TMEM132D: variants seen among roughly 807,000 people sequenced by gnomAD.
TMEM132D encodes the protein transmembrane protein 132D.
Under a neutral mutation model 62.3 loss-of-function variants are expected in TMEM132D, and 21 were observed. The ratio of observed to expected loss-of-function variants is 0.34; its 90% CI spans 0.24 to 0.49. TMEM132D has a LOEUF of 0.49. TMEM132D is among the 20% of genes least tolerant of loss of function. TMEM132D has a pLI of 0.99. For synonymous variants in TMEM132D, 621 were observed against 575.6 expected (o/e 1.08, Z -1.13); for missense variants, 1,346 against 1,402.8 (o/e 0.96, Z 0.65).
In TMEM132D at chr12:129,220,914, C is replaced by T. The variant is rs758478008; in HGVS notation, c.1300-11251G>A. Among the ~76,000 whole-genome samples the T allele has an allele frequency of 8.0e-5, 12 of 149,590 alleles. No individual in the cohort carries two copies. In the South Asian group the frequency reaches 2.3e-3, roughly 29 times the overall value. On this transcript the variant is annotated intron_variant, in intron 4 of 8. Transcript: ENST00000422113. ...ATGAAAAAAAAAAAAAGCCCAACAA[C>T]CACCCCTGGGATGGCATAGCCACTG...
rs74966598 is a variant in TMEM132D at position 129,326,040 on chromosome 12, G to C, written c.1299+11594C>G. Among the ~76,000 whole-genome samples, 1,385 of 152,268 alleles carry C rather than the reference G, an allele frequency of 9.1e-3. 30 individuals are homozygous for C. Among genetic ancestry groups the C allele is most frequent in the African/African-American group, 0.031 (1,307 of 41,544 alleles). The stretch of plus-strand genomic sequence containing the variant: ...GAAGGCTACACCATCGGGAGGCTTC[G>C]CTCATGACAGGGATTAACAGGCTCG... On this transcript the variant is annotated intron_variant, in intron 4 of 8. Transcript: ENST00000422113.
intron 2 of TMEM132D, among the ~76,000 whole-genome samples, chr12:129,630,517 TAAG>T (rs1164460771): frequency 6.6e-6 from 1 of 152,112 alleles, no homozygotes; most frequent in Non-Finnish European, 1.5e-5. Flanking sequence ...GGAGTATTTC[TAAG>T]AAGGAGAATA....
chr12:129,417,056 GC>G (rs1872143800), intron 3 of TMEM132D, among the ~76,000 whole-genome samples: 1 of 152,152 alleles, frequency 6.6e-6, no homozygotes, highest in South Asian at 2.1e-4. Context: ...AATGATGCTG[GC>G]TTCATAAAAT....
At chr12:129,776,788 CAAAAAA>C (rs148740560) in intron 1 of TMEM132D, among the ~76,000 whole-genome samples, 12 of 68,460 alleles carry the variant, frequency 1.8e-4, no homozygotes, top group African/African-American at 4.7e-4. Flanking sequence ...TAATGGGCTT[CAAAAAA>C]AAAAAAAAAA....
intron 1 of TMEM132D, among the ~76,000 whole-genome samples, chr12:129,741,700 A>G (rs1483223591): frequency 6.6e-6 from 1 of 152,218 alleles, no homozygotes; most frequent in East Asian, 1.9e-4. Context: ...GGGATTTTTG[A>G]AAAGGTCACT....
chr12:129,759,522 G>A (rs1870282245), intron 1 of TMEM132D, among the ~76,000 whole-genome samples: 1 of 152,214 alleles, frequency 6.6e-6, no homozygotes, highest in Non-Finnish European at 1.5e-5. Flanking sequence ...TTCGTTCACT[G>A]CTCAAGCTTC....
intron 1 of TMEM132D, among the ~76,000 whole-genome samples, chr12:129,866,617 A>G (rs1263041189): frequency 1.3e-5 from 2 of 152,122 alleles, no homozygotes; most frequent in East Asian, 1.9e-4. Context: ...AAAAAAAAGA[A>G]AAATGAGTGT....
At chr12:129,199,852 G>T (rs1367851585) in intron 5 of TMEM132D, among the ~76,000 whole-genome samples, 2 of 152,070 alleles carry the variant, frequency 1.3e-5, no homozygotes, top group African/African-American at 2.4e-5. Flanking sequence ...CCTCCCACTG[G>T]GTCCCTCGCA....
chr12:129,874,339 G>A lies in TMEM132D; in HGVS notation c.79+28922C>T, dbSNP rs374980735. 1.6e-4 allele frequency among the ~76,000 whole-genome samples: 25 copies of A among 152,190 alleles called. No homozygotes were observed. The East Asian group carries it at 3.1e-3, about 19-fold the overall frequency. ...GCAGGAGAATCACTTGAACCTGGGAGGCGGAGACTGCAGTGAGCTGATATC... is the reference window on the plus strand; with the variant it reads ...GCAGGAGAATCACTTGAACCTGGGAAGCGGAGACTGCAGTGAGCTGATATC... On this transcript the variant is annotated intron_variant, in intron 1 of 8. Coordinates refer to ENST00000422113, the MANE Select transcript of TMEM132D (RefSeq NM_133448.3).
chr12:129,579,278 TAGAA>T (rs1877773320), intron 2 of TMEM132D, among the ~76,000 whole-genome samples: 2 of 152,316 alleles, frequency 1.3e-5, no homozygotes, highest in South Asian at 4.1e-4. Flanking sequence ...CACCTATCCT[TAGAA>T]TTTACACAGA....
intron 5 of TMEM132D, among the ~76,000 whole-genome samples, chr12:129,185,731 A>G (rs986995084): frequency 3.5e-5 from 5 of 142,510 alleles, no homozygotes; most frequent in African/African-American, 5.1e-5. Context: ...CTATCTGTCT[A>G]TCTATCTATC....
At chr12:129,103,946 C>A (rs541772672) in intron 5 of TMEM132D, among the ~76,000 whole-genome samples, 1 of 152,256 alleles carries the variant, frequency 6.6e-6, no homozygotes, top group East Asian at 1.9e-4. Flanking sequence ...TAATCAATAT[C>A]TTGAAAATGG....
intron 4 of TMEM132D, among the ~76,000 whole-genome samples, chr12:129,244,715 G>C (rs1328141857): frequency 6.6e-6 from 1 of 151,932 alleles, no homozygotes; most frequent in Non-Finnish European, 1.5e-5. Context: ...ATCTCAGCTT[G>C]CTGCAATCTC....
At chr12:129,181,312 C>A (rs1487888303) in intron 5 of TMEM132D, among the ~76,000 whole-genome samples, 1 of 152,172 alleles carries the variant, frequency 6.6e-6, no homozygotes. Flanking sequence ...TTTCCCCAGG[C>A]CTCTAAAACA....
chr12:129,388,110 CCAATCCAGCACTGATGATAATAT>C (rs1283137846), intron 3 of TMEM132D, among the ~76,000 whole-genome samples: 3 of 133,412 alleles, frequency 2.2e-5, no homozygotes, highest in Non-Finnish European at 1.7e-5. Flanking sequence ...AACACCAACA[CCAATCCAGCACTGATGATAATAT>C]GAACACTAAC....
intron 3 of TMEM132D, among the ~76,000 whole-genome samples, chr12:129,448,282 A>C (rs546669932): frequency 3.3e-5 from 5 of 152,210 alleles, no homozygotes; most frequent in African/African-American, 1.2e-4. Flanking sequence ...AGGTAAACTC[A>C]TGTCACGGGG....
intron 1 of TMEM132D, among the ~76,000 whole-genome samples, chr12:129,772,775 C>A (rs1870797396): frequency 6.6e-6 from 1 of 152,242 alleles, no homozygotes; most frequent in Non-Finnish European, 1.5e-5. Context: ...TAACTAACTG[C>A]TTTGCCTCCA....
chr12:129,327,554 G>C (rs10847833), intron 4 of TMEM132D, among the ~76,000 whole-genome samples: 66,066 of 152,110 alleles, frequency 0.43, 15,104 homozygotes, highest in East Asian at 0.73. Flanking sequence ...ATCTCGGAAA[G>C]TTTCACTGGA....
intron 3 of TMEM132D, among the ~76,000 whole-genome samples, chr12:129,404,261 C>T (rs771286761): frequency 1.6e-4 from 25 of 151,950 alleles, no homozygotes; most frequent in South Asian, 2.1e-4. Flanking sequence ...TGCAGTGGTA[C>T]GATCTCGGCT....
Sources: gnomAD v4.1 joint callset for allele counts (sites outside exome capture counted in the v4.1 genomes callset) on GRCh38, gnomAD v4.1.1 for gene constraint, MANE v1.5 for transcripts, NCBI Gene and HGNC (gene_info 2026-07-23, HGNC 2026-07-21) for gene names.